Variants in MGAT4C observed in about 807,000 individuals in gnomAD.
MGAT4C encodes MGAT4 family member C.
MGAT4C carries 19 observed loss-of-function variants against 40.1 expected under a neutral mutation model. The ratio of observed to expected loss-of-function variants is 0.47; its 90% CI spans 0.33 to 0.70. MGAT4C has a LOEUF of 0.70. Ranked by LOEUF, MGAT4C falls within the 30% of genes least tolerant of loss-of-function variation. The pLI is 0.02. For synonymous variants in MGAT4C, 181 were observed against 187.1 expected, an observed-to-expected ratio of 0.97 and a Z score of 0.27; for missense variants, 491 against 563.2, an observed-to-expected ratio of 0.87 and a Z score of 1.30.
intron 1 of MGAT4C, among the ~76,000 whole-genome samples, chr12:86,831,752 A>G (rs1952932265): frequency 6.6e-6 from 1 of 151,814 alleles, no homozygotes; most frequent in African/African-American, 2.4e-5. Context: ...AATAATAACA[A>G]TGTTGTATTA....
At position 86,467,015 on chromosome 12, in the gene MGAT4C, G is replaced by A. The variant is rs574425958; in HGVS notation, c.-228-31750C>T. ...TTTTATTCTCATATAAAGAAAATGAGGTTTTGCTATAGTTAATGCATCTCA... is the reference window on the plus strand; with the variant it reads ...TTTTATTCTCATATAAAGAAAATGAAGTTTTGCTATAGTTAATGCATCTCA... On this transcript the variant is annotated intron_variant, in intron 2 of 7. Transcript: ENST00000548651. Among the ~76,000 whole-genome samples, 12 of 152,142 alleles carry A rather than the reference G, an allele frequency of 7.9e-5. No individual in the cohort carries two copies. In the South Asian group the frequency reaches 2.3e-3, roughly 29 times the overall value.
intron 1 of MGAT4C, among the ~76,000 whole-genome samples, chr12:86,790,603 T>C (rs1262752922): frequency 1.3e-5 from 2 of 152,144 alleles, no homozygotes; most frequent in African/African-American, 2.4e-5. Context: ...TCACAGATAA[T>C]ATCCCATAGT....
chr12:85,982,184 G>A (rs1395327210), intron 4 of MGAT4C, among the ~76,000 whole-genome samples: 1 of 151,830 alleles, frequency 6.6e-6, no homozygotes, highest in Non-Finnish European at 1.5e-5. Context: ...TTTTGTTTTT[G>A]TTTTTGTTTT....
At chr12:86,145,511 C>T (rs906290967) in intron 1 of MGAT4C, among the ~76,000 whole-genome samples, 37 of 152,208 alleles carry the variant, frequency 2.4e-4, no homozygotes, top group Middle Eastern at 3.4e-3. Context: ...AAAGCTAGAC[C>T]TAATTATATT....
At chr12:86,560,608 T>C (rs748520185) in intron 2 of MGAT4C, among the ~76,000 whole-genome samples, 9 of 152,152 alleles carry the variant, frequency 5.9e-5, no homozygotes, top group Non-Finnish European at 8.8e-5. Flanking sequence ...ATAAAGTTTC[T>C]GGGCAAATTC....
chr12:86,001,150 T>C (rs1246882456), intron 2 of MGAT4C, among the ~76,000 whole-genome samples: 1 of 152,142 alleles, frequency 6.6e-6, no homozygotes, highest in Non-Finnish European at 1.5e-5. Context: ...ATCTCCCAGG[T>C]AATATATGAT....
chr12:86,386,859 A>G (rs1956061793), intron 3 of MGAT4C, among the ~76,000 whole-genome samples: 1 of 152,178 alleles, frequency 6.6e-6, no homozygotes, highest in Admixed American at 6.5e-5. Flanking sequence ...CTTGTTAACT[A>G]CATGGCACAA....
chr12:86,036,447 A>AGATAGC (rs1891247602), intron 2 of MGAT4C, among the ~76,000 whole-genome samples: 1 of 145,986 alleles, frequency 6.8e-6, no homozygotes, highest in Admixed American at 6.8e-5. Context: ...TATTAGCTGA[A>AGATAGC]TCTTATTATT....
At chr12:86,509,060 T>A (rs1452985808) in intron 2 of MGAT4C, among the ~76,000 whole-genome samples, 1 of 151,950 alleles carries the variant, frequency 6.6e-6, no homozygotes, top group Non-Finnish European at 1.5e-5. Flanking sequence ...AGCTCTTTAG[T>A]TTAATTAGAT....
At chr12:86,431,341 C>G (rs116989274) in intron 3 of MGAT4C, among the ~76,000 whole-genome samples, 2,860 of 152,120 alleles carry the variant, frequency 0.019, 35 homozygotes, top group Non-Finnish European at 0.029. Flanking sequence ...GCCTAGAGTT[C>G]CCTGTGAGGT....
chr12:86,608,489 A>C (rs1221754913), intron 2 of MGAT4C, among the ~76,000 whole-genome samples: 1 of 152,010 alleles, frequency 6.6e-6, no homozygotes, highest in African/African-American at 2.4e-5. Context: ...GATTTGGAAG[A>C]ATTGCTTGAG....
intron 3 of MGAT4C, among the ~76,000 whole-genome samples, chr12:86,348,914 T>C (rs1955098734): frequency 6.6e-6 from 1 of 152,102 alleles, no homozygotes; most frequent in African/African-American, 2.4e-5. Context: ...TTTAAATAAT[T>C]ATTATCAACT....
chr12:86,393,374 C>T (rs1335335242), intron 3 of MGAT4C, among the ~76,000 whole-genome samples: 1 of 152,020 alleles, frequency 6.6e-6, no homozygotes, highest in East Asian at 1.9e-4. Flanking sequence ...ACACCTGAAG[C>T]TTTTTTATTT....
At chr12:86,661,562 A>T (rs1424004903) in intron 2 of MGAT4C, among the ~76,000 whole-genome samples, 2 of 152,202 alleles carry the variant, frequency 1.3e-5, no homozygotes, top group African/African-American at 4.8e-5. Flanking sequence ...TTAGTTGATG[A>T]AATAAATACT....
intron 1 of MGAT4C, among the ~76,000 whole-genome samples, chr12:86,223,767 C>T (rs1407094691): frequency 1.3e-5 from 2 of 152,198 alleles, no homozygotes; most frequent in Non-Finnish European, 2.9e-5. Flanking sequence ...CTCCTTCTAA[C>T]ACTCCTTCTA....
rs1043154410 is a variant in MGAT4C, at chr12:85,960,241, C to T, written c.*19048G>A. ...TTTTCATCAAACGTCTTTGTCTTATCCCCTTGTTATACAGACAAAGATGAC... is the reference window on the plus strand; with the variant it reads ...TTTTCATCAAACGTCTTTGTCTTATTCCCTTGTTATACAGACAAAGATGAC... On this transcript the variant is annotated 3_prime_UTR_variant, in exon 5 of 5. Coordinates refer to ENST00000611864, the MANE Select transcript of MGAT4C (RefSeq NM_001351288.2). The T allele has an allele frequency of 6.6e-6, 1 of 151,974 alleles. No homozygotes were observed. Among genetic ancestry groups the T allele is most frequent in the African/African-American group, 2.4e-5 (1 of 41,412 alleles). The allele number at this position is 151,974 out of a possible 1,614,324, so 9.4% of individuals were successfully genotyped here.
chr12:86,124,661 T>A (rs1240535630), intron 1 of MGAT4C, among the ~76,000 whole-genome samples: 2 of 152,076 alleles, frequency 1.3e-5, no homozygotes, highest in Non-Finnish European at 2.9e-5. Flanking sequence ...CAGAGGTCTC[T>A]GTGGTCTTAT....
At chr12:86,032,026 C>T (rs968360922) in intron 2 of MGAT4C, among the ~76,000 whole-genome samples, 1 of 151,880 alleles carries the variant, frequency 6.6e-6, no homozygotes, top group Non-Finnish European at 1.5e-5. Flanking sequence ...ATTTGGTTTT[C>T]TGCTCTTGTG....
intron 2 of MGAT4C, among the ~76,000 whole-genome samples, chr12:86,558,723 G>A (rs1959728507): frequency 2.0e-5 from 3 of 151,948 alleles, no homozygotes; most frequent in Non-Finnish European, 4.4e-5. Context: ...CTCACTCATA[G>A]AGCAGATACA....
Sources: allele counts gnomAD v4.1 joint callset (sites outside exome capture counted in the v4.1 genomes callset), GRCh38; gene constraint gnomAD v4.1.1; transcripts MANE v1.5; gene names NCBI Gene and HGNC (gene_info 2026-07-23, HGNC 2026-07-21).